Variants in FNDC11 observed in about 807,000 individuals in gnomAD.
FNDC11 encodes the protein fibronectin type III domain containing 11, also known as fibronectin type III domain-containing protein 11.
Under a neutral mutation model 15.8 loss-of-function variants are expected in FNDC11, and 15 were observed. The observed-to-expected ratio is 0.95, with a 90% CI of 0.63 to 1.46. The LOEUF is 1.46. FNDC11 is among the 40% of genes most tolerant of loss of function. The pLI is 0.00. For missense variants in FNDC11, 416 were observed against 443.4 expected (o/e 0.94, Z 0.55); for synonymous variants, 190 against 203.1 (o/e 0.94, Z 0.55).
At position 63,555,809 on chromosome 20, in the gene FNDC11, G is replaced by T. The variant is rs369332991; in HGVS notation, c.146G>T (p.Arg49Leu). 1.2e-6 allele frequency: 2 copies of T among 1,613,426 alleles called. No homozygotes were observed. Among genetic ancestry groups the T allele is most frequent in the Non-Finnish European group, 1.7e-6 (2 of 1,180,026 alleles). Residue 49 changes from arginine (R) to leucine (L), a missense_variant, in exon 2 of 2, where the codon CGT becomes CTT. Physicochemically the swap from Arg to Leu is moderately radical, Grantham distance 102. Coordinates refer to ENST00000370097, the MANE Select transcript of FNDC11 (RefSeq NM_001319152.2). The part of the protein sequence containing the change: ...KTYTERRNAL[R>L]EFLTSDLSPH... ...TACACCGAGCGCCGCAATGCCCTGC[G>T]TGAGTTCCTGACCTCGGACCTGAGT...
At position 63,556,499 on chromosome 20, in the gene FNDC11, A is replaced by AT; in HGVS notation, c.837dup (p.Lys280Ter). The stretch of plus-strand genomic sequence containing the variant: ...CGAAACCTGCTGCCCAACCGATCCT[A>AT]TAAGTTCACCATCAAGAGGGCCGAG... On this transcript the variant is annotated frameshift_variant, in exon 2 of 2. Transcript: ENST00000370097. LOFTEE classifies it high-confidence loss of function. 5 of 1,608,646 alleles carry AT rather than the reference A, an allele frequency of 3.1e-6. No individual in the cohort carries two copies. The highest frequency in any genetic ancestry group is 4.2e-6 in the Non-Finnish European group (5 of 1,178,020).
Position 63,556,316 on chromosome 20 carries a change from C to CA in FNDC11, c.653_654insA (p.Ala219GlyfsTer23). 1.2e-6 allele frequency: 2 copies of CA among 1,606,722 alleles called. No individual in the cohort carries two copies. The highest frequency in any genetic ancestry group is 1.7e-6 in the Non-Finnish European group (2 of 1,174,880). ...GTCGTGTTTGACCGAAAGGCGTCGG[C>CA]GGCTCACCAGGACTGGGCCCGGCTG... On this transcript the variant is annotated frameshift_variant, in exon 2 of 2. Coordinates refer to ENST00000370097, the MANE Select transcript of FNDC11 (RefSeq NM_001319152.2). LOFTEE classifies it high-confidence loss of function.
chr20:63,555,566 G>T, intron 1 of FNDC11, 88 bp from the exon 2 acceptor site: 1 of 1,463,604 alleles, frequency 6.8e-7, no homozygotes, highest in Non-Finnish European at 9.1e-7. Context: ...TCCAGCATGG[G>T]GTCAGTGGGC....
rs2082803094 is a variant in FNDC11 at position 63,555,819 on chromosome 20, G to C, written c.156G>C (p.Leu52=). The change falls in exon 2 of 2, where the codon CTG becomes CTC. Residue 52 remains leucine (L), a synonymous_variant. Coordinates refer to ENST00000370097, the MANE Select transcript of FNDC11 (RefSeq NM_001319152.2). ...TERRNALREF[L]TSDLSPHLLK... ...GCCGCAATGCCCTGCGTGAGTTCCTGACCTCGGACCTGAGTCCGCACCTGC... is the reference window on the plus strand; with the variant it reads ...GCCGCAATGCCCTGCGTGAGTTCCTCACCTCGGACCTGAGTCCGCACCTGC... 7 of 1,613,564 alleles carry C rather than the reference G, an allele frequency of 4.3e-6. No homozygotes were observed. The highest frequency in any genetic ancestry group is 5.1e-6 in the Non-Finnish European group (6 of 1,180,018).
Position 63,556,086 on chromosome 20 carries a change from T to A in FNDC11, c.423T>A (p.Asp141Glu), listed in dbSNP as rs734750. The change falls in exon 2 of 2, where the codon GAT becomes GAA. Residue 141 changes from aspartate to glutamate, a missense_variant. Coordinates refer to ENST00000370097, the MANE Select transcript of FNDC11 (RefSeq NM_001319152.2). The part of the protein sequence containing the change: ...EQLDHGRAEL[D>E]ALLRSPDPRP... ...TCGACCATGGCCGTGCTGAGCTGGA[T>A]GCCCTGCTCCGGTCGCCAGACCCAC... 6.3e-7 allele frequency: 1 copy of A among 1,596,964 alleles called. No individual in the cohort carries two copies. Among genetic ancestry groups the A allele is most frequent in the South Asian group, 1.1e-5 (1 of 91,018 alleles).
chr20:63,554,010 C>T (rs1260393970), upstream of FNDC11: 2 of 152,190 alleles, frequency 1.3e-5, no homozygotes, highest in Admixed American at 6.5e-5. Flanking sequence ...GTCGGGGACG[C>T]GGGCCCCCAG....
rs1394082462 is a variant in FNDC11, at chr20:63,556,267, C to G, written c.604C>G (p.Leu202Val). Reference sequence around the variant, plus strand: ...TGCCACCAAGATCCCGCACATCTGGCTCATGCTGAGCACCAAGATGCCTGT... The same window carrying G: ...TGCCACCAAGATCCCGCACATCTGGGTCATGCTGAGCACCAAGATGCCTGT... ...VSATKIPHIWLMLSTKMPVVF... is the reference protein window; with the variant it reads ...VSATKIPHIWVMLSTKMPVVF... The change falls in exon 2 of 2, where the codon CTC becomes GTC. Residue 202 changes from leucine to valine, a missense_variant. Transcript: ENST00000370097. 1 of 1,599,788 alleles carries G rather than the reference C, an allele frequency of 6.3e-7. No homozygotes were observed. Among genetic ancestry groups the G allele is most frequent in the Non-Finnish European group, 8.5e-7 (1 of 1,169,822 alleles).
Position 63,556,416 on chromosome 20 carries a change from A to C in FNDC11, c.753A>C (p.Thr251=). Residue 251 remains threonine (T), a synonymous_variant, in exon 2 of 2, where the codon ACA becomes ACC. Coordinates refer to ENST00000370097, the MANE Select transcript of FNDC11 (RefSeq NM_001319152.2). ...GCTTCAGGCTGCTGGACCCGCGGAC[A>C]CAGCAGGAGTGCGCCCAGTGTGGCG... ...ELRFRLLDPR[T]QQECAQCGVI... 3 of 1,613,258 alleles carry C rather than the reference A, an allele frequency of 1.9e-6. No homozygotes were observed. Among genetic ancestry groups the C allele is most frequent in the Non-Finnish European group, 1.7e-6 (2 of 1,180,026 alleles).
chr20:63,556,187 C>T lies in FNDC11; in HGVS notation c.524C>T (p.Thr175Ile). Residue 175 changes from threonine (T) to isoleucine (I), a missense_variant, in exon 2 of 2, where the codon ACC becomes ATC. Thr to Ile is a moderately conservative substitution (Grantham distance 89). Coordinates refer to ENST00000370097, the MANE Select transcript of FNDC11 (RefSeq NM_001319152.2). ...DVSAVMDSFL[T>I]MMVPGRLHVK... ...TCGGCCGTCATGGACAGCTTCCTGA[C>T]CATGATGGTGCCGGGGCGGCTACAC... is the stretch of plus-strand genomic sequence containing the variant. 1 of 1,597,836 alleles carries T rather than the reference C, an allele frequency of 6.3e-7. No homozygotes were observed. Among genetic ancestry groups the T allele is most frequent in the Non-Finnish European group, 8.5e-7 (1 of 1,170,478 alleles).
intron 1 of FNDC11, chr20:63,555,313 G>A (rs1328285869): frequency 6.8e-6 from 2 of 293,024 alleles, no homozygotes; most frequent in African/African-American, 2.1e-5. Context: ...ACGGCCCCGA[G>A]GGGTGCCAGC....
Position 63,555,877 on chromosome 20 carries a change from C to G in FNDC11, c.214C>G (p.Arg72Gly). The change falls in exon 2 of 2, where the codon CGT becomes GGT. Residue 72 changes from arginine to glycine, a missense_variant. Physicochemically the swap from Arg to Gly is moderately radical, Grantham distance 125. Transcript: ENST00000370097. ...KRHHARMQLL[R>G]KCSYYIEVLP... ...CCACCACGCCCGCATGCAGCTGCTG[C>G]GTAAGTGCTCCTACTACATCGAGGT... is the stretch of plus-strand genomic sequence containing the variant. The G allele has an allele frequency of 6.2e-7, 1 of 1,611,886 alleles. No individual in the cohort carries two copies. The highest frequency in any genetic ancestry group is 1.1e-5 in the South Asian group (1 of 91,082).
rs776604532 is a variant in FNDC11, at chr20:63,556,532, C to T, written c.869C>T (p.Thr290Met). The change falls in exon 2 of 2, where the codon ACG (threonine) becomes ATG (methionine). Residue 290 changes from threonine (T) to methionine (M), a missense_variant. Physicochemically the swap from Thr to Met is moderately conservative, Grantham distance 81 (BLOSUM62 -1). Coordinates refer to ENST00000370097, the MANE Select transcript of FNDC11 (RefSeq NM_001319152.2). The part of the protein sequence containing the change: ...KFTIKRAETS[T>M]LVYEPWRDSL... ...ACCATCAAGAGGGCCGAGACCTCCA[C>T]GCTGGTGTACGAGCCCTGGAGGGAC... The T allele has an allele frequency of 5.6e-6, 9 of 1,613,504 alleles. No homozygotes were observed. The highest frequency in any genetic ancestry group is 3.3e-5 in the Admixed American group (2 of 60,016).
chr20:63,555,597 G>C, intron 1 of FNDC11, 57 bp from the exon 2 acceptor site: 1 of 1,509,992 alleles, frequency 6.6e-7, no homozygotes, highest in African/African-American at 1.4e-5. Flanking sequence ...CCCCGAACAT[G>C]CCACAGCCCA....
Position 63,556,566 on chromosome 20 carries a change from C to G in FNDC11, c.903C>G (p.Thr301=). ...LVYEPWRDSL[T]LHTKPEPLEG... Reference sequence around the variant, plus strand: ...ACGAGCCCTGGAGGGACAGCCTCACCCTGCACACCAAGCCGGAGCCCCTGG... The same window carrying G: ...ACGAGCCCTGGAGGGACAGCCTCACGCTGCACACCAAGCCGGAGCCCCTGG... The change falls in exon 2 of 2, where the codon ACC becomes ACG. Residue 301 remains threonine, a synonymous_variant. Transcript: ENST00000370097. 6.2e-7 allele frequency: 1 copy of G among 1,613,348 alleles called. No homozygotes were observed. Among genetic ancestry groups the G allele is most frequent in the Non-Finnish European group, 8.5e-7 (1 of 1,180,024 alleles).
At chr20:63,554,073 G>A (rs2082784193), upstream of FNDC11, 1 of 152,106 alleles carries the variant, frequency 6.6e-6, no homozygotes, top group Non-Finnish European at 1.5e-5. Context: ...TCGGCTCGGG[G>A]TCCCGGGTCC....
rs1192619644 is a variant in FNDC11, at chr20:63,554,868, G to C, written c.-11+662G>C. On this transcript the variant is annotated intron_variant, in intron 1 of 1. Coordinates refer to ENST00000370097, the MANE Select transcript of FNDC11 (RefSeq NM_001319152.2). ...GGGGCAGCAACCAGGGGTGCGGCTT[G>C]CTCTCCAGGGAGCTGCGGCAGAGCC... 3 of 152,314 alleles carry C rather than the reference G, an allele frequency of 2.0e-5. No homozygotes were observed. The East Asian group carries it at 5.8e-4, about 29-fold the overall frequency. 9.4% of individuals were successfully genotyped at this position (152,314 alleles called of 1,614,324 possible). A position where few individuals can be genotyped will look rare whatever the true frequency, so the allele number is the denominator to read the frequency against.
chr20:63,555,648 C>A lies in FNDC11; in HGVS notation c.-10-6C>A. 2 of 1,590,550 alleles carry A rather than the reference C, an allele frequency of 1.3e-6. No individual in the cohort carries two copies. Among genetic ancestry groups the A allele is most frequent in the East Asian group, 2.3e-5 (1 of 44,222 alleles). On this transcript the variant is annotated splice_region_variant and splice_polypyrimidine_tract_variant and intron_variant, in intron 1 of 1. Transcript: ENST00000370097. The stretch of plus-strand genomic sequence containing the variant: ...CCTGGCAGCTGACACCCAGCCCTCC[C>A]CCCAGCTCCCGGATAATGAGCACCC...
At chr20:63,553,723 C>T (rs1160293290), upstream of FNDC11, 2 of 153,332 alleles carry the variant, frequency 1.3e-5, no homozygotes, top group South Asian at 1.8e-4. Context: ...GCAGAGCCCG[C>T]GGCGGGGGAA....
chr20:63,554,597 T>C (rs2082789723), intron 1 of FNDC11: 1 of 152,394 alleles, frequency 6.6e-6, no homozygotes, highest in Non-Finnish European at 1.5e-5. Context: ...TGCTCTCAGC[T>C]GGCACCTCAC....
Sources: gnomAD v4.1 joint callset for allele counts on GRCh38, gnomAD v4.1.1 for gene constraint, MANE v1.5 for transcripts, NCBI Gene and HGNC (gene_info 2026-07-23, HGNC 2026-07-21) for gene names.